DUT: variants seen among roughly 807,000 people sequenced by gnomAD.
DUT encodes deoxyuridine triphosphatase.
Under a neutral mutation model 28.8 loss-of-function variants are expected in DUT, and 21 were observed. The observed-to-expected ratio is 0.73, with a 90% CI of 0.52 to 1.05. The LOEUF (loss-of-function observed/expected upper bound fraction) is 1.05, where lower values mean the gene tolerates loss of function less well. Ranked by LOEUF, DUT falls within the 50% of genes least tolerant of loss-of-function variation. DUT has a pLI of 0.00. For missense variants in DUT, 344 were observed against 351.8 expected (o/e 0.98, Z 0.18); for synonymous variants, 147 against 143.7 (o/e 1.02, Z -0.17).
At chr15:48,332,187 G>C in intron 1 of DUT, 81 bp from the exon 2 acceptor site, 1 of 1,492,504 alleles carries the variant, frequency 6.7e-7, no homozygotes, top group East Asian at 2.5e-5. Context: ...CGCTCCCTGC[G>C]GCGACGCTCA....
At chr15:48,339,297 T>G (rs1158432394) in intron 4 of DUT, among the ~76,000 whole-genome samples, 2 of 152,200 alleles carry the variant, frequency 1.3e-5, no homozygotes, top group East Asian at 3.8e-4. Flanking sequence ...AAGCTTTTAC[T>G]TTATATGTAT....
rs1368511724 is a variant in DUT, at chr15:48,331,556, T to C, written c.41T>C (p.Phe14Ser). 1.2e-6 allele frequency: 2 copies of C among 1,610,040 alleles called. No individual in the cohort carries two copies. The highest frequency in any genetic ancestry group is 2.7e-5 in the African/African-American group (2 of 74,746). Residue 14 changes from phenylalanine (F) to serine (S), a missense_variant, in exon 1 of 7, where the codon TTC (phenylalanine) becomes TCC (serine). Transcript: ENST00000331200. ...LCPRPALCYHFLTSLLRSAMQ... is the reference protein window; with the variant it reads ...LCPRPALCYHSLTSLLRSAMQ... ...CCTCGCCCCGCGCTCTGCTACCATT[T>C]CCTTACGTCTCTGCTTCGCTCAGCG...
Position 48,342,957 on chromosome 15 carries a change from C to T in DUT, c.*879C>T, listed in dbSNP as rs569935390. 1.3e-5 allele frequency: 2 copies of T among 152,340 alleles called. No individual in the cohort carries two copies. Among genetic ancestry groups the T allele is most frequent in the Non-Finnish European group, 2.9e-5 (2 of 68,040 alleles). The allele number at this position is 152,340 out of a possible 1,614,324, so 9.4% of individuals were successfully genotyped here. ...TTTCATTGCAGATATGGGACTGATT[C>T]TGTGGCTTACCTTGATTAACATCTT... On this transcript the variant is annotated 3_prime_UTR_variant, in exon 7 of 7. Coordinates refer to ENST00000331200, the MANE Select transcript of DUT (RefSeq NM_001025248.2).
In DUT at chr15:48,342,088, C is replaced by A; in HGVS notation, c.*10C>A. The A allele has an allele frequency of 2.0e-6, 3 of 1,528,260 alleles. No homozygotes were observed. Among genetic ancestry groups the A allele is most frequent in the South Asian group, 1.3e-5 (1 of 76,948 alleles). 94.7% of individuals were successfully genotyped at this position (1,528,260 alleles called of 1,614,324 possible). On this transcript the variant is annotated 3_prime_UTR_variant, in exon 7 of 7. Transcript: ENST00000331200. Reference sequence around the variant, plus strand: ...CACTGGAAAGAATTAAAATTTATGCCAAGAACAGAAAACAAGAAGTCATAC... The same window carrying A: ...CACTGGAAAGAATTAAAATTTATGCAAAGAACAGAAAACAAGAAGTCATAC...
intron 2 of DUT, among the ~76,000 whole-genome samples, chr15:48,333,604 CG>C (rs2042442733): frequency 6.6e-6 from 1 of 152,172 alleles, no homozygotes; most frequent in African/African-American, 2.4e-5. Flanking sequence ...AGTAAACTTC[CG>C]GTTCTGCTCA....
At chr15:48,337,789 A>G (rs1401623911) in intron 4 of DUT, among the ~76,000 whole-genome samples, 1 of 152,216 alleles carries the variant, frequency 6.6e-6, no homozygotes, top group African/African-American at 2.4e-5. Flanking sequence ...CTTAGGCACA[A>G]GTTTATCATA....
chr15:48,341,413 T>A, intron 5 of DUT, 50 bp downstream of exon 5: 1 of 1,554,884 alleles, frequency 6.4e-7, no homozygotes, highest in Non-Finnish European at 8.9e-7. Flanking sequence ...TTCAGAGTCA[T>A]GTATGTGTAA....
chr15:48,336,770 G>A (rs2042480945), intron 4 of DUT, among the ~76,000 whole-genome samples: 1 of 152,106 alleles, frequency 6.6e-6, no homozygotes, highest in Admixed American at 6.5e-5. Context: ...AAGATACCTT[G>A]GCCCCCACAT....
chr15:48,341,629 T>A (rs1416121936), intron 6 of DUT, 44 bp downstream of exon 6: 14 of 1,440,252 alleles, frequency 9.7e-6, no homozygotes, highest in Non-Finnish European at 1.2e-5. Context: ...ATATAACATC[T>A]TAAGTGAAGA....
At position 48,331,695 on chromosome 15, in the gene DUT, T is replaced by G. The variant is rs1423776019; in HGVS notation, c.180T>G (p.Ala60=). Residue 60 remains alanine (A), a synonymous_variant, in exon 1 of 7, where the codon GCT becomes GCG. Coordinates refer to ENST00000331200, the MANE Select transcript of DUT (RefSeq NM_001025248.2). ...QHGIPRPLSS[A]GRLSQGCRGA... is the part of the protein sequence containing the mutation. Reference sequence around the variant, plus strand: ...GGATTCCCCGGCCGCTGTCCAGCGCTGGCCGCCTGAGCCAAGGCTGCCGCG... The same window carrying G: ...GGATTCCCCGGCCGCTGTCCAGCGCGGGCCGCCTGAGCCAAGGCTGCCGCG... 2.0e-6 allele frequency: 3 copies of G among 1,519,854 alleles called. No homozygotes were observed. The highest frequency in any genetic ancestry group is 2.6e-6 in the Non-Finnish European group (3 of 1,134,736). 94.1% of individuals were successfully genotyped at this position (1,519,854 alleles called of 1,614,324 possible).
intron 2 of DUT, 43 bp downstream of exon 2, chr15:48,332,449 C>T (rs1249386158): frequency 2.7e-6 from 4 of 1,458,870 alleles, no homozygotes; most frequent in Admixed American, 2.6e-5. Flanking sequence ...AAGGGCCGGC[C>T]GTCCGCTGCC....
At chr15:48,331,269 G>T (rs921261495), upstream of DUT, 105 of 1,457,338 alleles carry the variant, frequency 7.2e-5, no homozygotes, top group Non-Finnish European at 9.0e-5. Context: ...CAAGAAGAGC[G>T]AAAGCAAGAG....
Position 48,332,325 on chromosome 15 carries a change from A to G in DUT, c.338A>G (p.Gln113Arg). Residue 113 changes from glutamine (Q) to arginine (R), a missense_variant, in exon 2 of 7, where the codon CAG (glutamine) becomes CGG (arginine). Coordinates refer to ENST00000331200, the MANE Select transcript of DUT (RefSeq NM_001025248.2). The part of the protein sequence containing the change: ...RARPAEVGGM[Q>R]LRFARLSEHA... ...CGGCCTGCGGAGGTGGGCGGCATGC[A>G]GCTCCGCTTTGCCCGGCTCTCCGAG... 6.2e-7 allele frequency: 1 copy of G among 1,608,102 alleles called. No individual in the cohort carries two copies. Among genetic ancestry groups the G allele is most frequent in the African/African-American group, 1.3e-5 (1 of 74,466 alleles).
intron 6 of DUT, 120 bp downstream of exon 6, chr15:48,341,705 T>C: frequency 1.2e-6 from 1 of 839,914 alleles, no homozygotes; most frequent in Non-Finnish European, 1.8e-6. Flanking sequence ...ACTAAACTTA[T>C]TTTAAGCAAA....
intron 4 of DUT, among the ~76,000 whole-genome samples, chr15:48,336,417 C>T (rs1408928750): frequency 6.6e-6 from 1 of 152,070 alleles, no homozygotes; most frequent in African/African-American, 2.4e-5. Context: ...CTGTCTTTAG[C>T]AAAATTTAAG....
intron 1 of DUT, 86 bp from the exon 2 acceptor site, chr15:48,332,182 C>T (rs577989112): frequency 2.7e-6 from 4 of 1,483,536 alleles, no homozygotes; most frequent in Admixed American, 4.8e-5. Flanking sequence ...TGGCGCGCTC[C>T]CTGCGGCGAC....
intron 2 of DUT, 52 bp downstream of exon 2, chr15:48,332,458 C>A: frequency 7.0e-7 from 1 of 1,432,154 alleles, no homozygotes; most frequent in Non-Finnish European, 9.3e-7. Context: ...CCGTCCGCTG[C>A]CACAGCTAGA....
chr15:48,342,702 A>G lies in DUT; in HGVS notation c.*624A>G, dbSNP rs1456734406. ...CTTTCTTTTGATAAATCCTCTATTG[A>G]CTGGGTAGAGGTATGTTTGTGAAAG... is the stretch of plus-strand genomic sequence containing the variant. On this transcript the variant is annotated 3_prime_UTR_variant, in exon 7 of 7. Coordinates refer to ENST00000331200, the MANE Select transcript of DUT (RefSeq NM_001025248.2). 1 of 152,104 alleles carries G rather than the reference A, an allele frequency of 6.6e-6. No homozygotes were observed. The highest frequency in any genetic ancestry group is 1.5e-5 in the Non-Finnish European group (1 of 68,014). 9.4% of individuals were successfully genotyped at this position (152,104 alleles called of 1,614,324 possible).
chr15:48,332,614 G>T, intron 2 of DUT: 1 of 704,934 alleles, frequency 1.4e-6, no homozygotes. Context: ...TAGCTATACG[G>T]TGTCTAGCAA....
Sources: allele counts gnomAD v4.1 joint callset (sites outside exome capture counted in the v4.1 genomes callset), GRCh38; gene constraint gnomAD v4.1.1; transcripts MANE v1.5; gene names NCBI Gene and HGNC (gene_info 2026-07-23, HGNC 2026-07-21).